Variants in MDH1B observed in about 807,000 individuals in gnomAD.
MDH1B encodes malate dehydrogenase 1B, also known as putative malate dehydrogenase 1B.
In MDH1B, 60 loss-of-function variants were observed where a neutral mutation model predicts 61.4. The ratio of observed to expected loss-of-function variants is 0.98; its 90% CI spans 0.79 to 1.21. The LOEUF is 1.21. Among genes scored for constraint, MDH1B ranks in the 50% most tolerant of loss-of-function variants. MDH1B has a pLI of 0.00. For missense variants in MDH1B, 587 were observed against 632.1 expected, an observed-to-expected ratio of 0.93 and a Z score of 0.76; for synonymous variants, 236 against 218.7, an observed-to-expected ratio of 1.08 and a Z score of -0.70.
chr2:206,749,242 T>C, intron 6 of MDH1B, 59 bp from the exon 7 acceptor site: 9 of 1,512,210 alleles, frequency 6.0e-6, no homozygotes, highest in Non-Finnish European at 8.2e-6. Flanking sequence ...AGAAAAAGGA[T>C]GTTCCCTGGC....
At chr2:206,747,057 A>C (rs754825934) in intron 7 of MDH1B, among the ~76,000 whole-genome samples, 1 of 152,192 alleles carries the variant, frequency 6.6e-6, no homozygotes, top group Non-Finnish European at 1.5e-5. Context: ...ATTTATTACT[A>C]ACTGAGCACC....
chr2:206,754,912 C>T, intron 5 of MDH1B, 97 bp downstream of exon 5: 3 of 1,337,238 alleles, frequency 2.2e-6, no homozygotes, highest in Non-Finnish European at 2.0e-6. Flanking sequence ...ATTCCAGATA[C>T]TCAGAATGTT....
chr2:206,751,046 T>C lies in MDH1B; in HGVS notation c.940A>G (p.Ile314Val), dbSNP rs780749052. 6 of 1,603,918 alleles carry C rather than the reference T, an allele frequency of 3.7e-6. No homozygotes were observed. The highest frequency in any genetic ancestry group is 3.3e-5 in the South Asian group (3 of 89,562). Residue 314 changes from isoleucine (I) to valine (V), a missense_variant, in exon 6 of 12, where the codon ATC becomes GTC. Coordinates refer to ENST00000374412, the MANE Select transcript of MDH1B (RefSeq NM_001039845.3). ...AGATCAACGTAATTATTTCCACTGA[T>C]ATTACCCCAAATGATCACGTCTTTA... ...YIKDVIIWGN[I>V]SGNNYVDLRK... is the part of the protein sequence containing the mutation.
chr2:206,750,255 A>G (rs1488937604), intron 6 of MDH1B, among the ~76,000 whole-genome samples: 1 of 151,706 alleles, frequency 6.6e-6, no homozygotes, highest in African/African-American at 2.4e-5. Context: ...TATTGTACAG[A>G]CACAGCCCTA....
intron 2 of MDH1B, among the ~76,000 whole-genome samples, chr2:206,758,541 G>A (rs1329737263): frequency 2.0e-5 from 3 of 152,070 alleles, no homozygotes; most frequent in African/African-American, 7.2e-5. Flanking sequence ...CGAGGCGGGG[G>A]GAACATCTGA....
chr2:206,749,645 T>C (rs1035782011), intron 6 of MDH1B, among the ~76,000 whole-genome samples: 4 of 152,216 alleles, frequency 2.6e-5, no homozygotes, highest in South Asian at 4.1e-4. Context: ...TGAAATATCA[T>C]GAGGATGGAA....
chr2:206,756,699 T>A, intron 4 of MDH1B, 199 bp downstream of exon 4: 1 of 565,410 alleles, frequency 1.8e-6, no homozygotes. Flanking sequence ...AACATAAAAC[T>A]CATTTATGAG....
At chr2:206,739,510 A>G (rs1291790356) in intron 11 of MDH1B, 83 bp downstream of exon 11, 1 of 1,239,216 alleles carries the variant, frequency 8.1e-7, no homozygotes, top group Non-Finnish European at 1.2e-6. Context: ...CAAGAATAGT[A>G]TTGCAAGGAA....
At chr2:206,745,590 A>C (rs2105923513) in intron 9 of MDH1B, 32 bp downstream of exon 9, 1 of 1,498,020 alleles carries the variant, frequency 6.7e-7, no homozygotes, top group East Asian at 2.3e-5. Context: ...TTTTAATAGC[A>C]GTCCAATAAA....
chr2:206,742,711 ATTT>A (rs59584383), intron 9 of MDH1B, among the ~76,000 whole-genome samples: 8,025 of 96,914 alleles, frequency 0.083, 342 homozygotes, highest in African/African-American at 0.21. Flanking sequence ...TGATGTCTCT[ATTT>A]TTTTTTTTTT....
At chr2:206,744,407 G>A (rs1687978445) in intron 9 of MDH1B, among the ~76,000 whole-genome samples, 1 of 152,126 alleles carries the variant, frequency 6.6e-6, no homozygotes, top group Non-Finnish European at 1.5e-5. Flanking sequence ...AAAGACACTT[G>A]ACTAAAGCCC....
intron 6 of MDH1B, 114 bp downstream of exon 6, chr2:206,750,820 G>A: frequency 1.1e-6 from 1 of 891,318 alleles, no homozygotes; most frequent in Non-Finnish European, 1.6e-6. Context: ...AAATATGAGT[G>A]TGAACAATGC....
intron 8 of MDH1B, 41 bp from the exon 9 acceptor site, chr2:206,745,714 T>C: frequency 7.7e-7 from 1 of 1,297,080 alleles, no homozygotes; most frequent in Non-Finnish European, 1.1e-6. Flanking sequence ...TGACCACAAT[T>C]CCTAACTTAA....
rs1215283769 is a variant in MDH1B at position 206,738,463 on chromosome 2, A to G, written c.*20T>C. 7 of 1,539,504 alleles carry G rather than the reference A, an allele frequency of 4.5e-6. No individual in the cohort carries two copies. The highest frequency in any genetic ancestry group is 6.2e-6 in the Non-Finnish European group (7 of 1,125,630). On this transcript the variant is annotated 3_prime_UTR_variant, in exon 12 of 12. Transcript: ENST00000374412. The stretch of plus-strand genomic sequence containing the variant: ...TTATTGTGCTATCAAGTAATTATAT[A>G]TTTCATCCAATTTGATCTGTTAGGA...
In MDH1B at chr2:206,755,455, T is replaced by C; in HGVS notation, c.464A>G (p.Glu155Gly). 1 of 1,614,078 alleles carries C rather than the reference T, an allele frequency of 6.2e-7. No individual in the cohort carries two copies. The highest frequency in any genetic ancestry group is 8.5e-7 in the Non-Finnish European group (1 of 1,179,984). The change falls in exon 5 of 12, where the codon GAA becomes GGA. Residue 155 changes from glutamate to glycine, a missense_variant. Glu to Gly is a moderately conservative substitution (Grantham distance 98). Transcript: ENST00000374412. ...YNLIPILTSG[E>G]VFGMHTEISI... ...AATTTCTGTATGCATCCCAAACACT[T>C]CGCCACTCGTCAATATGGGAATTAG...
chr2:206,746,489 T>A, intron 7 of MDH1B, 63 bp from the exon 8 acceptor site: 1 of 1,505,018 alleles, frequency 6.6e-7, no homozygotes, highest in Non-Finnish European at 8.9e-7. Flanking sequence ...ACCTTTTCTG[T>A]TAAGCATTGT....
In MDH1B at chr2:206,755,230, C is replaced by A. The variant is rs779726212; in HGVS notation, c.689G>T (p.Arg230Leu). ...GAGCCTGCAGAGAGGCACCCTGCTT[C>A]GGAGGCAGTCCTCCAGAGTGAACAC... ...KEVFTLEDCL[R>L]SRVPLCRLYG... is the part of the protein sequence containing the mutation. Residue 230 changes from arginine (R) to leucine (L), a missense_variant, in exon 5 of 12, where the codon CGA (arginine) becomes CTA (leucine). By Grantham distance (102) the Arg-to-Leu change is moderately radical (BLOSUM62 -2). Coordinates refer to ENST00000374412, the MANE Select transcript of MDH1B (RefSeq NM_001039845.3). 1.2e-6 allele frequency: 2 copies of A among 1,614,058 alleles called. No homozygotes were observed. Among genetic ancestry groups the A allele is most frequent in the Non-Finnish European group, 1.7e-6 (2 of 1,180,034 alleles).
intron 2 of MDH1B, among the ~76,000 whole-genome samples, chr2:206,758,548 C>T (rs1463683752): frequency 6.6e-6 from 1 of 152,038 alleles, no homozygotes; most frequent in African/African-American, 2.4e-5. Context: ...GGGGGAACAT[C>T]TGAGGTCAAG....
At chr2:206,750,831 A>T in intron 6 of MDH1B, 103 bp downstream of exon 6, 1 of 1,014,902 alleles carries the variant, frequency 9.9e-7, no homozygotes, top group Middle Eastern at 3.2e-4. Flanking sequence ...TGAACAATGC[A>T]AGTTATTTTT....
Sources: allele counts gnomAD v4.1 joint callset (sites outside exome capture counted in the v4.1 genomes callset), GRCh38; gene constraint gnomAD v4.1.1; transcripts MANE v1.5; gene names NCBI Gene and HGNC (gene_info 2026-07-23, HGNC 2026-07-21).